Variants in HDAC9 observed in about 807,000 individuals in gnomAD.
HDAC9 encodes MEF-2 interacting transcription repressor (MITR) protein.
In HDAC9, 41 loss-of-function variants were observed where a neutral mutation model predicts 139.4. That is an observed-to-expected ratio of 0.29 (90% CI 0.23 to 0.38). HDAC9 has a LOEUF of 0.38. Ranked by LOEUF, HDAC9 falls within the 10% of genes least tolerant of loss-of-function variation. HDAC9 has a pLI of 1.00. For synonymous variants in HDAC9, 517 were observed against 476.2 expected, an observed-to-expected ratio of 1.09 and a Z score of -1.12; for missense variants, 1,147 against 1,297.0, an observed-to-expected ratio of 0.88 and a Z score of 1.78.
chr7:18,602,922 T>A (rs1158288807), intron 6 of HDAC9, among the ~76,000 whole-genome samples: 1 of 152,110 alleles, frequency 6.6e-6, no homozygotes, highest in Non-Finnish European at 1.5e-5. Context: ...CGTAATAGGT[T>A]TGTCTATTTG....
intron 2 of HDAC9, among the ~76,000 whole-genome samples, chr7:18,183,410 A>G (rs1028290051): frequency 1.3e-5 from 2 of 152,214 alleles, no homozygotes; most frequent in Admixed American, 1.3e-4. Flanking sequence ...TTCTACATAC[A>G]TAATAATTAC....
intron 22 of HDAC9, among the ~76,000 whole-genome samples, chr7:18,886,961 G>A (rs1048442181): frequency 2.6e-5 from 4 of 152,146 alleles, no homozygotes; most frequent in Admixed American, 6.5e-5. Flanking sequence ...AAATCAATAC[G>A]GAAAAGAATC....
intron 21 of HDAC9, among the ~76,000 whole-genome samples, chr7:18,850,610 C>G (rs561615271): frequency 3.3e-5 from 5 of 152,310 alleles, no homozygotes; most frequent in Admixed American, 2.0e-4. Flanking sequence ...GAAAATCACA[C>G]AGGAAATTAT....
intron 2 of HDAC9, among the ~76,000 whole-genome samples, chr7:18,547,287 G>A (rs1815226460): frequency 6.6e-6 from 1 of 152,116 alleles, no homozygotes; most frequent in African/African-American, 2.4e-5. Flanking sequence ...CCAGGCTGGA[G>A]TGCAGTGGCA....
chr7:18,648,060 A>G, intron 10 of HDAC9, 62 bp downstream of exon 10: 1 of 1,298,878 alleles, frequency 7.7e-7, no homozygotes, highest in Non-Finnish European at 1.1e-6. Context: ...GTGATCCAGG[A>G]TAATGTCTCT....
intron 21 of HDAC9, among the ~76,000 whole-genome samples, chr7:18,843,639 A>G (rs1056279579): frequency 1.5e-4 from 22 of 151,518 alleles, no homozygotes; most frequent in African/African-American, 3.9e-4. Context: ...CCAAATTTCA[A>G]TGTCTTTGGG....
chr7:18,785,620 A>C (rs896403385), intron 16 of HDAC9, among the ~76,000 whole-genome samples: 2 of 152,226 alleles, frequency 1.3e-5, no homozygotes, highest in African/African-American at 4.8e-5. Context: ...ATACCGTGAA[A>C]GAAAAAACAT....
Position 19,001,553 on chromosome 7 carries a change from A to AC in HDAC9, c.*5491_*5492insC, listed in dbSNP as rs1184610560. 3.3e-5 allele frequency: 5 copies of AC among 151,414 alleles called. No homozygotes were observed. Among genetic ancestry groups the AC allele is most frequent in the African/African-American group, 7.3e-5 (3 of 41,148 alleles). The allele number at this position is 151,414 out of a possible 1,614,324, so 9.4% of individuals were successfully genotyped here. ...TTCAACAGAAATGGAGTAATTAAAAAAAAAAACAAAAAACAGAGAAGAATT... is the reference window on the plus strand; with the variant it reads ...TTCAACAGAAATGGAGTAATTAAAAACAAAAAACAAAAAACAGAGAAGAATT... On this transcript the variant is annotated 3_prime_UTR_variant, in exon 26 of 26. Transcript: ENST00000686413.
At chr7:18,570,186 A>T (rs572628974) in intron 2 of HDAC9, among the ~76,000 whole-genome samples, 1 of 152,122 alleles carries the variant, frequency 6.6e-6, no homozygotes, top group Non-Finnish European at 1.5e-5. Context: ...AAAAACAAAA[A>T]CAAAAACAAA....
In HDAC9 at chr7:18,189,920, G is replaced by T. The variant is rs11767237; in HGVS notation, c.25+27571G>T. The stretch of plus-strand genomic sequence containing the variant: ...TTTAACTTGTAAATAACTTGTGTGT[G>T]GTGTGTGTGTGTGTGTGTGTGTGTG... On this transcript the variant is annotated intron_variant, in intron 2 of 12. Coordinates refer to the HDAC9 transcript ENST00000417496. Among the ~76,000 whole-genome samples the T allele has an allele frequency of 2.4e-3, 343 of 145,148 alleles. 1 individual carries two copies. Among genetic ancestry groups the T allele is most frequent in the Middle Eastern group, 6.9e-3 (2 of 288 alleles).
intron 21 of HDAC9, among the ~76,000 whole-genome samples, chr7:18,865,664 C>T (rs1380112427): frequency 6.6e-6 from 1 of 152,136 alleles, no homozygotes; most frequent in Non-Finnish European, 1.5e-5. Context: ...ACAACAGCTG[C>T]CTGGAATCTG....
At chr7:18,504,597 G>A (rs1202515742) in intron 2 of HDAC9, among the ~76,000 whole-genome samples, 3 of 152,140 alleles carry the variant, frequency 2.0e-5, no homozygotes, top group African/African-American at 4.8e-5. Context: ...GAGCCGCTGC[G>A]CCCAGCCTAG....
chr7:18,996,188 G>A lies in HDAC9; in HGVS notation c.*126G>A, dbSNP rs1786453342. The A allele has an allele frequency of 6.4e-6, 4 of 625,744 alleles. No homozygotes were observed. Among genetic ancestry groups the A allele is most frequent in the South Asian group, 2.0e-5 (1 of 49,202 alleles). 38.8% of individuals were successfully genotyped at this position (625,744 alleles called of 1,614,324 possible). On this transcript the variant is annotated 3_prime_UTR_variant, in exon 26 of 26. Transcript: ENST00000686413. ...AGATTCAATGGAACATAAACACTGG[G>A]CACAAAATTCTGAACAGCAGCTTCA...
chr7:18,703,437 T>C (rs2129106394), intron 12 of HDAC9, among the ~76,000 whole-genome samples: 1 of 152,276 alleles, frequency 6.6e-6, no homozygotes, highest in African/African-American at 2.4e-5. Flanking sequence ...AAAATCTCAT[T>C]GGTGAATTTC....
chr7:18,834,254 C>G (rs916516592), intron 19 of HDAC9, among the ~76,000 whole-genome samples: 1 of 151,776 alleles, frequency 6.6e-6, no homozygotes, highest in South Asian at 2.1e-4. Context: ...ATAACAGAAC[C>G]GGAAACTATG....
chr7:18,572,733 A>G (rs1563328439), intron 2 of HDAC9, among the ~76,000 whole-genome samples: 2 of 152,202 alleles, frequency 1.3e-5, no homozygotes, highest in Admixed American at 6.5e-5. Flanking sequence ...ACAAACTAAT[A>G]TATAGGTTCT....
intron 1 of HDAC9, among the ~76,000 whole-genome samples, chr7:18,292,074 C>A (rs1453522016): frequency 2.0e-5 from 3 of 152,080 alleles, no homozygotes; most frequent in African/African-American, 7.2e-5. Context: ...AGGATGGCAA[C>A]AAATGGATGG....
intron 1 of HDAC9, among the ~76,000 whole-genome samples, chr7:18,393,238 A>G (rs954700618): frequency 1.3e-5 from 2 of 152,148 alleles, no homozygotes; most frequent in African/African-American, 4.8e-5. Flanking sequence ...TTAAACCAGT[A>G]AAGTTTATAA....
intron 1 of HDAC9, among the ~76,000 whole-genome samples, chr7:18,158,733 T>C (rs944020940): frequency 6.6e-6 from 1 of 152,218 alleles, no homozygotes; most frequent in African/African-American, 2.4e-5. Flanking sequence ...GCTATTACTA[T>C]TGAGAAGGCC....
Sources: gnomAD v4.1 joint callset for allele counts (sites outside exome capture counted in the v4.1 genomes callset) on GRCh38, gnomAD v4.1.1 for gene constraint, MANE v1.5 for transcripts, NCBI Gene and HGNC (gene_info 2026-07-23, HGNC 2026-07-21) for gene names.